HABP2: variants seen among roughly 807,000 people sequenced by gnomAD.
HABP2 encodes the protein factor VII-activating protease.
Under a neutral mutation model 66.5 loss-of-function variants are expected in HABP2, and 65 were observed. That is an observed-to-expected ratio of 0.98 (90% CI 0.80 to 1.20). The LOEUF (loss-of-function observed/expected upper bound fraction) is 1.20, where lower values mean the gene tolerates loss of function less well. Ranked by LOEUF, HABP2 falls within the 50% of genes most tolerant of loss-of-function variation. HABP2 has a pLI of 0.00. For missense variants in HABP2, 786 were observed against 691.0 expected, an observed-to-expected ratio of 1.14 and a Z score of -1.54; for synonymous variants, 263 against 253.9, an observed-to-expected ratio of 1.04 and a Z score of -0.34.
chr10:113,580,161 C>CG (rs1232053579), intron 7 of HABP2, among the ~76,000 whole-genome samples: 1 of 123,578 alleles, frequency 8.1e-6, no homozygotes, highest in Non-Finnish European at 1.8e-5. Flanking sequence ...GAGCTGTCTT[C>CG]GGGGGCGGGG....
chr10:113,559,134 C>A (rs778103095), intron 1 of HABP2, among the ~76,000 whole-genome samples: 1 of 152,208 alleles, frequency 6.6e-6, no homozygotes, highest in Non-Finnish European at 1.5e-5. Context: ...GGATTACCGG[C>A]GTGAGCCACC....
chr10:113,588,787 C>T lies in HABP2; in HGVS notation c.*418C>T, dbSNP rs557625429. The stretch of plus-strand genomic sequence containing the variant: ...GGCACTCAACAGAATCAGCCATCCA[C>T]GTCTAGGTATCAGAGAGGACCACAA... On this transcript the variant is annotated 3_prime_UTR_variant, in exon 13 of 13. Transcript: ENST00000351270. The T allele has an allele frequency of 2.1e-4, 124 of 596,032 alleles. 1 individual carries two copies. The highest frequency in any genetic ancestry group is 2.6e-4 in the Non-Finnish European group (86 of 335,966). 36.9% of individuals were successfully genotyped at this position (596,032 alleles called of 1,614,324 possible). A position where few individuals can be genotyped will look rare whatever the true frequency, so the allele number is the denominator to read the frequency against.
chr10:113,568,153 G>A (rs11575669), intron 2 of HABP2, among the ~76,000 whole-genome samples: 1 of 152,222 alleles, frequency 6.6e-6, no homozygotes. Flanking sequence ...CGCAAGCTAA[G>A]CAGGGCCACC....
chr10:113,551,264 A>G (rs1280485551), upstream of HABP2, among the ~76,000 whole-genome samples: 1 of 152,256 alleles, frequency 6.6e-6, no homozygotes, highest in East Asian at 1.9e-4. Context: ...AATGGGGACA[A>G]TGGGAAACAA....
At chr10:113,554,936 G>A (rs987857093) in intron 1 of HABP2, among the ~76,000 whole-genome samples, 1 of 152,234 alleles carries the variant, frequency 6.6e-6, no homozygotes, top group Admixed American at 6.5e-5. Flanking sequence ...TACCCCAGAT[G>A]TGTGCCAGAC....
intron 1 of HABP2, among the ~76,000 whole-genome samples, chr10:113,558,974 C>A (rs929972412): frequency 2.6e-5 from 4 of 152,146 alleles, no homozygotes; most frequent in Admixed American, 2.0e-4. Flanking sequence ...CCTGACTCAG[C>A]CTCCTGAGTA....
In HABP2 at chr10:113,568,919, T is replaced by C. The variant is rs11575717; in HGVS notation, c.106+1394T>C. 7.6e-3 allele frequency among the ~76,000 whole-genome samples: 1,163 copies of C among 152,320 alleles called. 12 individuals carry two copies. The highest frequency in any genetic ancestry group is 0.027 in the African/African-American group (1,120 of 41,568). ...CATCTACAGTGAGTTCATGACACCCTGGAATTGTGCAGTGAACAACTTGAG... is the reference window on the plus strand; with the variant it reads ...CATCTACAGTGAGTTCATGACACCCCGGAATTGTGCAGTGAACAACTTGAG... On this transcript the variant is annotated intron_variant, in intron 2 of 12. Coordinates refer to ENST00000351270, the MANE Select transcript of HABP2 (RefSeq NM_004132.5).
chr10:113,554,578 T>C (rs1844957111), intron 1 of HABP2, among the ~76,000 whole-genome samples: 2 of 152,212 alleles, frequency 1.3e-5, no homozygotes, highest in African/African-American at 2.4e-5. Flanking sequence ...CTACATCATT[T>C]GATGGCTTGT....
chr10:113,573,248 C>T (rs894410139), intron 2 of HABP2, among the ~76,000 whole-genome samples: 7 of 152,228 alleles, frequency 4.6e-5, no homozygotes, highest in Admixed American at 6.5e-5. Context: ...AGGATCTCCC[C>T]GCCAAGGCCC....
chr10:113,583,427 G>A (rs957389624), intron 10 of HABP2, 69 bp downstream of exon 10: 1 of 1,428,122 alleles, frequency 7.0e-7, no homozygotes, highest in African/African-American at 1.4e-5. Context: ...CCAGAAAGCT[G>A]AAGTTTGGTT....
chr10:113,559,253 G>A (rs1221719560), intron 1 of HABP2, among the ~76,000 whole-genome samples: 1 of 152,178 alleles, frequency 6.6e-6, no homozygotes, highest in African/African-American at 2.4e-5. Context: ...AACCTTCAAA[G>A]CTCCCCTCCA....
At chr10:113,560,868 A>G (rs1845087098) in intron 1 of HABP2, among the ~76,000 whole-genome samples, 1 of 152,222 alleles carries the variant, frequency 6.6e-6, no homozygotes, top group Non-Finnish European at 1.5e-5. Flanking sequence ...CTGAGGGAGA[A>G]TAAGAAGGAG....
At chr10:113,551,295 C>T (rs976871865), upstream of HABP2, among the ~76,000 whole-genome samples, 4 of 152,178 alleles carry the variant, frequency 2.6e-5, no homozygotes, top group African/African-American at 7.2e-5. Flanking sequence ...AATAGCAATA[C>T]GGCTGTGACA....
intron 1 of HABP2, among the ~76,000 whole-genome samples, chr10:113,555,867 A>G (rs558788975): frequency 6.6e-6 from 1 of 152,270 alleles, no homozygotes; most frequent in Admixed American, 6.5e-5. Flanking sequence ...TTAACTGTAA[A>G]TAAGGCGTGG....
rs539560789 is a variant in HABP2 at position 113,568,656 on chromosome 10, A to C, written c.106+1131A>C. On this transcript the variant is annotated intron_variant, in intron 2 of 12. Transcript: ENST00000351270. ...CAGAGAGTTATCCCCTAGCTGATGA[A>C]CACACCACCACCCACACGTGGAGTC... 2.0e-5 allele frequency among the ~76,000 whole-genome samples: 3 copies of C among 152,282 alleles called. No homozygotes were observed. In the South Asian group the frequency reaches 6.2e-4, roughly 32 times the overall value.
intron 6 of HABP2, 87 bp from the exon 7 acceptor site, chr10:113,578,540 T>C (rs1845456636): frequency 2.3e-6 from 2 of 861,984 alleles, no homozygotes; most frequent in Non-Finnish European, 3.7e-6. Flanking sequence ...TCCAGTTCTC[T>C]CACCATGTCA....
At chr10:113,557,593 T>C (rs1462788472) in intron 1 of HABP2, among the ~76,000 whole-genome samples, 1 of 151,898 alleles carries the variant, frequency 6.6e-6, no homozygotes, top group Non-Finnish European at 1.5e-5. Flanking sequence ...GGAAAAATGG[T>C]TGGCGGGGAG....
At chr10:113,568,726 C>T (rs984461298) in intron 2 of HABP2, among the ~76,000 whole-genome samples, 1 of 152,184 alleles carries the variant, frequency 6.6e-6, no homozygotes, top group Non-Finnish European at 1.5e-5. Context: ...GGCCTCTTCC[C>T]CAGCCTTAAG....
At chr10:113,567,458 C>A in intron 1 of HABP2, 31 bp from the exon 2 acceptor site, 1 of 1,593,480 alleles carries the variant, frequency 6.3e-7, no homozygotes, top group Non-Finnish European at 8.6e-7. Flanking sequence ...TCCATCTCAA[C>A]GCTGATCTGC....
Sources: allele counts gnomAD v4.1 joint callset (sites outside exome capture counted in the v4.1 genomes callset), GRCh38; gene constraint gnomAD v4.1.1; transcripts MANE v1.5; gene names NCBI Gene and HGNC (gene_info 2026-07-23, HGNC 2026-07-21).